The following SKI variants were observed in gnomAD, a reference collection of about 807,000 sequenced individuals.
SKI encodes ski oncogene.
SKI carries 23 observed loss-of-function variants against 59.3 expected under a neutral mutation model. The observed-to-expected ratio is 0.39, with a 90% confidence interval of 0.28 to 0.55. The LOEUF (loss-of-function observed/expected upper bound fraction) is 0.55. Among genes scored for constraint, SKI ranks in the 20% least tolerant of loss-of-function variants. The probability of loss-of-function intolerance (pLI) is 0.67; values close to 1 mark genes in which losing one functional copy is unlikely to be tolerated. For missense variants in SKI, 1,017 were observed against 1,038.9 expected (o/e 0.98, Z 0.29); for synonymous variants, 673 against 488.6 (o/e 1.38, Z -4.98).
intron 1 of SKI, among the ~76,000 whole-genome samples, chr1:2,262,387 C>G (rs1451359854): frequency 7.4e-6 from 1 of 135,382 alleles, no homozygotes; most frequent in Admixed American, 7.4e-5. Flanking sequence ...TGGACACCCT[C>G]GCTCCTGATC....
In SKI at chr1:2,228,499, C is replaced by G. The variant is rs1378652670; in HGVS notation, c.-268C>G. Among the ~76,000 whole-genome samples the G allele has an allele frequency of 3.0e-4, 43 of 141,376 alleles. No individual in the cohort carries two copies. The highest frequency in any genetic ancestry group is 3.0e-4 in the Non-Finnish European group (19 of 64,028). The allele number at this position is 141,376 out of a possible 152,430, so 92.7% of individuals were successfully genotyped here. On this transcript the variant is annotated 5_prime_UTR_variant, in exon 1 of 7. Transcript: ENST00000378536. ...GGGCGCGCGGGGGACGCGCGGGGGGCCCGGGCGGCGGCGGGCGCGGCGCGG... is the reference window on the plus strand; with the variant it reads ...GGGCGCGCGGGGGACGCGCGGGGGGGCCGGGCGGCGGCGGGCGCGGCGCGG...
intron 1 of SKI, among the ~76,000 whole-genome samples, chr1:2,261,421 G>A (rs1341212519): frequency 6.6e-6 from 1 of 152,094 alleles, no homozygotes; most frequent in Non-Finnish European, 1.5e-5. Context: ...TCTGTTTATG[G>A]GTTGTTATTA....
intron 1 of SKI, among the ~76,000 whole-genome samples, chr1:2,271,821 G>T (rs1242336903): frequency 6.6e-6 from 1 of 152,204 alleles, no homozygotes; most frequent in Non-Finnish European, 1.5e-5. Context: ...GGGGCCAGGA[G>T]ATTCTGACAT....
intron 1 of SKI, among the ~76,000 whole-genome samples, chr1:2,272,844 C>T (rs964684881): frequency 4.6e-5 from 7 of 152,262 alleles, no homozygotes; most frequent in Admixed American, 1.3e-4. Flanking sequence ...CCCCCTCCCA[C>T]GCCCCGAGCC....
chr1:2,285,870 GTTT>G lies in SKI; in HGVS notation c.970-17089_970-17087del, dbSNP rs77227502. Reference sequence around the variant, plus strand: ...CGTGAGCCACCGCACCAGCCAGAAGGTTTTTTTTTTTTTTTTTTTTTGAAACGG... The same window carrying G: ...CGTGAGCCACCGCACCAGCCAGAAGGTTTTTTTTTTTTTTTTTTGAAACGG... On this transcript the variant is annotated intron_variant, in intron 1 of 6. Coordinates refer to ENST00000378536, the MANE Select transcript of SKI (RefSeq NM_003036.4). Among the ~76,000 whole-genome samples the G allele has an allele frequency of 2.2e-3, 221 of 102,690 alleles. 2 individuals carry two copies. The highest frequency in any genetic ancestry group is 8.3e-3 in the African/African-American group (200 of 24,024). The allele number at this position is 102,690 out of a possible 152,430, so 67.4% of individuals were successfully genotyped here.
chr1:2,287,530 G>T (rs1205902682), intron 1 of SKI, among the ~76,000 whole-genome samples: 2 of 152,044 alleles, frequency 1.3e-5, no homozygotes, highest in Non-Finnish European at 2.9e-5. Flanking sequence ...TAGAGACGGG[G>T]TTTCACTGTG....
At chr1:2,275,706 G>A (rs995947405) in intron 1 of SKI, among the ~76,000 whole-genome samples, 1 of 152,196 alleles carries the variant, frequency 6.6e-6, no homozygotes, top group African/African-American at 2.4e-5. Context: ...TAGAGACGGG[G>A]TTTCACCGTG....
chr1:2,236,187 C>T (rs1008381028), intron 1 of SKI, among the ~76,000 whole-genome samples: 3 of 152,120 alleles, frequency 2.0e-5, no homozygotes, highest in Non-Finnish European at 2.9e-5. Context: ...TGCTGGGGTG[C>T]TTGTCTCACT....
At position 2,304,050 on chromosome 1, in the gene SKI, AGAG is replaced by A; in HGVS notation, c.1428_1430del (p.Glu476del). 3 of 1,612,524 alleles carry A rather than the reference AGAG, an allele frequency of 1.9e-6. No individual in the cohort carries two copies. The highest frequency in any genetic ancestry group is 2.5e-6 in the Non-Finnish European group (3 of 1,179,868). ...AGACGCTGGCGCCCGTGGCTGCCCC[AGAG>A]GAGGACAAGGACTCGGAGGCGGAGG... On this transcript the variant is annotated inframe_deletion, in exon 4 of 7. Transcript: ENST00000378536.
intron 1 of SKI, among the ~76,000 whole-genome samples, chr1:2,274,011 C>A (rs754276578): frequency 1.3e-5 from 2 of 151,900 alleles, no homozygotes; most frequent in Non-Finnish European, 2.9e-5. Flanking sequence ...GCATGCTGAG[C>A]GCCCATGCGT....
chr1:2,263,279 C>G (rs1639427243), intron 1 of SKI, among the ~76,000 whole-genome samples: 1 of 148,676 alleles, frequency 6.7e-6, no homozygotes, highest in Non-Finnish European at 1.5e-5. Flanking sequence ...GCTCTGTCGC[C>G]CAGGCTGGAG....
At chr1:2,264,985 T>C (rs1639469749) in intron 1 of SKI, among the ~76,000 whole-genome samples, 1 of 152,148 alleles carries the variant, frequency 6.6e-6, no homozygotes, top group African/African-American at 2.4e-5. Flanking sequence ...TAATTTTTTG[T>C]ATTTTTAGTA....
rs77248184 is a variant in SKI, at chr1:2,300,865, C to T, written c.970-2113C>T. ...ATCTGCAGGGTCCTCGGCCACCCCC[C>T]ACTGAGCGGATTGGGCTCGGGGCCC... On this transcript the variant is annotated intron_variant, in intron 1 of 6. Transcript: ENST00000378536. Among the ~76,000 whole-genome samples, 1,010 of 152,294 alleles carry T rather than the reference C, an allele frequency of 6.6e-3. 28 individuals are homozygous for T. In the East Asian group the frequency reaches 0.079, roughly 12 times the overall value.
Position 2,229,204 on chromosome 1 carries a change from C to T in SKI, c.438C>T (p.Leu146=), listed in dbSNP as rs371061756. ...AGATCAACGCGGTGTGCGACGAGCTCCACATCTACTGCTCGCGCTGCACGG... is the reference window on the plus strand; with the variant it reads ...AGATCAACGCGGTGTGCGACGAGCTTCACATCTACTGCTCGCGCTGCACGG... ...LQQINAVCDE[L]HIYCSRCTAD... Residue 146 remains leucine, a synonymous_variant, in exon 1 of 7, where the codon CTC becomes CTT. Coordinates refer to ENST00000378536, the MANE Select transcript of SKI (RefSeq NM_003036.4). This position sits in a 1 kb window ranked among gnomAD's most constrained non-coding sequence, Gnocchi z 6.3. 2.5e-6 allele frequency: 4 copies of T among 1,610,218 alleles called. No homozygotes were observed. Among genetic ancestry groups the T allele is most frequent in the Non-Finnish European group, 3.4e-6 (4 of 1,178,866 alleles).
intron 1 of SKI, among the ~76,000 whole-genome samples, chr1:2,230,822 T>A (rs1638619771): frequency 6.6e-6 from 1 of 152,222 alleles, no homozygotes; most frequent in Non-Finnish European, 1.5e-5. Flanking sequence ...TCAAACTTTT[T>A]TTTTCTAAAT....
At chr1:2,257,099 T>C (rs1028430074) in intron 1 of SKI, among the ~76,000 whole-genome samples, 43 of 152,386 alleles carry the variant, frequency 2.8e-4, no homozygotes, top group Non-Finnish European at 5.6e-4. Context: ...TTTAGTTTCA[T>C]GATTTCATTT....
In SKI at chr1:2,229,830, T is replaced by C. The variant is rs1638591994; in HGVS notation, c.969+95T>C. 2 of 1,540,314 alleles carry C rather than the reference T, an allele frequency of 1.3e-6. No homozygotes were observed. Among genetic ancestry groups the C allele is most frequent in the Admixed American group, 4.0e-5 (2 of 50,296 alleles). On this transcript the variant is annotated intron_variant, in intron 1 of 6. Transcript: ENST00000378536. This position sits in a 1 kb window ranked among gnomAD's most constrained non-coding sequence, Gnocchi z 6.3. ...TCTGGTCTCCGAAGGCTGGGACCTG[T>C]GCTTCTGCCGTGCCCCATGTCTCCA...
chr1:2,292,207 G>A (rs927293821), intron 1 of SKI, among the ~76,000 whole-genome samples: 3 of 152,180 alleles, frequency 2.0e-5, no homozygotes, highest in African/African-American at 7.2e-5. Context: ...GAGTCCCCAC[G>A]CCTCCTTGCC....
chr1:2,279,791 C>T (rs531150131), intron 1 of SKI, among the ~76,000 whole-genome samples: 6 of 152,312 alleles, frequency 3.9e-5, no homozygotes, highest in Middle Eastern at 6.8e-3. Context: ...TGGCCTCAAG[C>T]GATTCTCCCA....
Sources: gnomAD v4.1 joint callset for allele counts (sites outside exome capture counted in the v4.1 genomes callset) on GRCh38, gnomAD v4.1.1 for gene constraint, Gnocchi (gnomAD v3.1) non-coding constraint, MANE v1.5 for transcripts, NCBI Gene and HGNC (gene_info 2026-07-23, HGNC 2026-07-21) for gene names.